The following UNC13B variants were observed in gnomAD, a reference collection of about 807,000 sequenced individuals.
UNC13B encodes protein unc-13 homolog B.
Under a neutral mutation model 211.0 loss-of-function variants are expected in UNC13B, and 144 were observed. The observed-to-expected ratio is 0.68, with a 90% CI of 0.60 to 0.78. The LOEUF is 0.78. Among genes scored for constraint, UNC13B ranks in the 30% least tolerant of loss-of-function variants. UNC13B has a pLI of 0.00. For synonymous variants in UNC13B, 709 were observed against 725.8 expected (o/e 0.98, Z 0.37); for missense variants, 1,777 against 2,002.0 (o/e 0.89, Z 2.14).
At chr9:35,322,641 T>TA (rs1279722658) in intron 11 of UNC13B, among the ~76,000 whole-genome samples, 1 of 152,176 alleles carries the variant, frequency 6.6e-6, no homozygotes, top group African/African-American at 2.4e-5. Context: ...TCTCACTTGT[T>TA]ACTCCCTCCC....
intron 17 of UNC13B, among the ~76,000 whole-genome samples, 180 bp from the exon 18 acceptor site, chr9:35,380,290 A>G (rs1369879780): frequency 1.3e-5 from 2 of 152,222 alleles, no homozygotes; most frequent in African/African-American, 4.8e-5. Flanking sequence ...AGGCCGAGGA[A>G]TGAAGAGTCA....
chr9:35,185,884 G>T (rs1352958523), intron 1 of UNC13B, among the ~76,000 whole-genome samples: 1 of 150,826 alleles, frequency 6.6e-6, no homozygotes, highest in East Asian at 2.0e-4. Flanking sequence ...TGCCACTGCA[G>T]TCCAGCCTGG....
chr9:35,330,483 A>G (rs1831307300), intron 11 of UNC13B, among the ~76,000 whole-genome samples: 1 of 152,206 alleles, frequency 6.6e-6, no homozygotes, highest in Non-Finnish European at 1.5e-5. Flanking sequence ...CCCCTGTGGT[A>G]ACAGGGTTGC....
chr9:35,404,208 A>G lies in UNC13B; in HGVS notation c.*175A>G. The G allele has an allele frequency of 1.2e-6, 1 of 832,528 alleles. No homozygotes were observed. Among genetic ancestry groups the G allele is most frequent in the Non-Finnish European group, 1.8e-6 (1 of 550,038 alleles). 51.6% of individuals were successfully genotyped at this position (832,528 alleles called of 1,614,324 possible). ...AATATGGCTTTTCACAGAAAGGGTC[A>G]TGAAGCCCTGGCCCAACAGGACTGT... On this transcript the variant is annotated 3_prime_UTR_variant, in exon 40 of 40. Coordinates refer to ENST00000635942, the MANE Select transcript of UNC13B (RefSeq NM_001371189.2).
At chr9:35,214,570 G>T (rs1824154234) in intron 1 of UNC13B, among the ~76,000 whole-genome samples, 1 of 152,112 alleles carries the variant, frequency 6.6e-6, no homozygotes, top group African/African-American at 2.4e-5. Flanking sequence ...ATACTAGAAA[G>T]AAATTACCCA....
chr9:35,382,532 T>G, intron 21 of UNC13B, 25 bp downstream of exon 21: 1 of 1,578,922 alleles, frequency 6.3e-7, no homozygotes, highest in Non-Finnish European at 8.6e-7. Context: ...AACACATATG[T>G]CTGCATTTGT....
At chr9:35,364,487 T>G (rs577447230) in intron 11 of UNC13B, 1 of 1,530,094 alleles carries the variant, frequency 6.5e-7, no homozygotes, top group East Asian at 2.4e-5. Context: ...GTTCCCTACT[T>G]ATAGGACTGA....
At chr9:35,401,170 G>A (rs1433886903) in intron 37 of UNC13B, among the ~76,000 whole-genome samples, 1 of 152,186 alleles carries the variant, frequency 6.6e-6, no homozygotes, top group Non-Finnish European at 1.5e-5. Flanking sequence ...TTGTTCCAAG[G>A]AAACCTGAGC....
chr9:35,302,344 G>A lies in UNC13B; in HGVS notation c.2940G>A (p.Lys980=), dbSNP rs1183756329. 2 of 398,090 alleles carry A rather than the reference G, an allele frequency of 5.0e-6. No homozygotes were observed. The highest frequency in any genetic ancestry group is 2.1e-5 in the African/African-American group (1 of 48,450). The allele number at this position is 398,090 out of a possible 1,614,324, so 24.7% of individuals were successfully genotyped here. Residue 980 remains lysine, a synonymous_variant, in exon 9 of 40, where the codon AAG becomes AAA. Coordinates refer to ENST00000635942, the MANE Select transcript of UNC13B (RefSeq NM_001371189.2). ...SVPNIHDDLE[K]FDSIKEFNKN... ...CAAATATTCATGATGATCTAGAGAA[G>A]TTTGACAGTATAAAGGAATTTAATA...
intron 26 of UNC13B, among the ~76,000 whole-genome samples, chr9:35,395,301 T>A (rs545700918): frequency 6.6e-6 from 1 of 152,308 alleles, no homozygotes; most frequent in East Asian, 1.9e-4. Flanking sequence ...GCTCACTGCT[T>A]CATAGAAGAG....
chr9:35,204,647 G>C (rs77170755), intron 1 of UNC13B, among the ~76,000 whole-genome samples: 1 of 152,164 alleles, frequency 6.6e-6, no homozygotes, highest in Non-Finnish European at 1.5e-5. Context: ...TGGGACTTGC[G>C]TGGGGCCTAT....
In UNC13B at chr9:35,198,751, T is replaced by G. The variant is rs375359607; in HGVS notation, c.23-29264T>G. The stretch of plus-strand genomic sequence containing the variant: ...ACAGTGAAGGCCAGGCTGAGGAGTT[T>G]TCAGATGGAGATGAGGAACTTACTG... On this transcript the variant is annotated intron_variant, in intron 1 of 39. Transcript: ENST00000635942. 9.9e-5 allele frequency among the ~76,000 whole-genome samples: 15 copies of G among 152,050 alleles called. No individual in the cohort carries two copies. The East Asian group carries it at 2.5e-3, about 25-fold the overall frequency.
chr9:35,378,269 GCCT>G (rs1834575844), intron 16 of UNC13B, 23 bp from the exon 17 acceptor site: 2 of 1,613,696 alleles, frequency 1.2e-6, no homozygotes, highest in Non-Finnish European at 1.7e-6. Context: ...CGACTCTGAA[GCCT>G]CCTATACATG....
chr9:35,343,714 A>G (rs894474322), intron 11 of UNC13B, among the ~76,000 whole-genome samples: 9 of 152,178 alleles, frequency 5.9e-5, no homozygotes, highest in African/African-American at 2.2e-4. Context: ...CCAGGTTTGG[A>G]AGGCTCTCCA....
At chr9:35,350,995 G>A (rs1832686909) in intron 11 of UNC13B, among the ~76,000 whole-genome samples, 1 of 152,180 alleles carries the variant, frequency 6.6e-6, no homozygotes, top group Non-Finnish European at 1.5e-5. Flanking sequence ...GTTCAAATAA[G>A]GACTTACTCA....
intron 7 of UNC13B, among the ~76,000 whole-genome samples, chr9:35,281,063 C>T (rs542179109): frequency 6.6e-6 from 1 of 152,174 alleles, no homozygotes; most frequent in East Asian, 1.9e-4. Flanking sequence ...TCCTGACCAA[C>T]ATGGTGAAAC....
At chr9:35,205,322 A>AAC (rs746148205) in intron 1 of UNC13B, among the ~76,000 whole-genome samples, 20 of 152,006 alleles carry the variant, frequency 1.3e-4, no homozygotes, top group Non-Finnish European at 4.4e-5. Context: ...CACACACACA[A>AAC]ACACACACAC....
In UNC13B at chr9:35,307,826, T is replaced by G; in HGVS notation, c.8422T>G (p.Ser2808Ala). Residue 2808 changes from serine (S) to alanine (A), a missense_variant, in exon 9 of 40, where the codon TCC becomes GCC. Coordinates refer to ENST00000635942, the MANE Select transcript of UNC13B (RefSeq NM_001371189.2). ...GNRAAETGLM[S>A]SFKKLSTLFE... ...TAGAGCAGCAGAGACTGGTTTAATGTCCAGTTTTAAGAAGTTGTCAACTCT... is the reference window on the plus strand; with the variant it reads ...TAGAGCAGCAGAGACTGGTTTAATGGCCAGTTTTAAGAAGTTGTCAACTCT... 1 of 398,982 alleles carries G rather than the reference T, an allele frequency of 2.5e-6. No individual in the cohort carries two copies. The highest frequency in any genetic ancestry group is 1.3e-4 in the South Asian group (1 of 7,858). The allele number at this position is 398,982 out of a possible 1,614,324, so 24.7% of individuals were successfully genotyped here.
chr9:35,314,874 C>CTTT (rs765803997), intron 11 of UNC13B, among the ~76,000 whole-genome samples: 4 of 57,760 alleles, frequency 6.9e-5, no homozygotes, highest in Non-Finnish European at 9.6e-5. Context: ...GATTCCGTAT[C>CTTT]TTTTTTTTTT....
Sources: allele counts gnomAD v4.1 joint callset (sites outside exome capture counted in the v4.1 genomes callset), GRCh38; gene constraint gnomAD v4.1.1; transcripts MANE v1.5; gene names NCBI Gene and HGNC (gene_info 2026-07-23, HGNC 2026-07-21).